Variants in PARK7 observed in about 807,000 individuals in gnomAD.
PARK7 encodes Parkinsonism associated deglycase.
In PARK7, 14 loss-of-function variants were observed where a neutral mutation model predicts 20.5. The ratio of observed to expected loss-of-function variants is 0.68; its 90% CI spans 0.45 to 1.07. The LOEUF (loss-of-function observed/expected upper bound fraction) is 1.07. Ranked by LOEUF, PARK7 falls within the 50% of genes least tolerant of loss-of-function variation. The pLI is 0.00. For missense variants in PARK7, 234 were observed against 238.1 expected (o/e 0.98, Z 0.11); for synonymous variants, 98 against 84.3 (o/e 1.16, Z -0.89).
chr1:7,985,040 G>T lies in PARK7; in HGVS notation c.556G>T (p.Val186Phe), dbSNP rs1640791591. Residue 186 changes from valine to phenylalanine, a missense_variant, in exon 7 of 7, where the codon GTT becomes TTT. Transcript: ENST00000338639. Reference sequence around the variant, plus strand: ...GGCGGCTCAAGTGAAGGCTCCACTTGTTCTTAAAGACTAGAGCAGCGAACT... The same window carrying T: ...GGCGGCTCAAGTGAAGGCTCCACTTTTTCTTAAAGACTAGAGCAGCGAACT... ...EVAAQVKAPL[V>F]LKD 1 of 1,614,070 alleles carries T rather than the reference G, an allele frequency of 6.2e-7. No individual in the cohort carries two copies. The highest frequency in any genetic ancestry group is 1.1e-5 in the South Asian group (1 of 91,090).
At chr1:7,971,898 A>G (rs375175732) in intron 5 of PARK7, 3 of 152,240 alleles carry the variant, frequency 2.0e-5, no homozygotes, top group East Asian at 3.9e-4. Context: ...GTGCCGTTGC[A>G]CTCCAGCCTG....
At chr1:7,982,103 T>C (rs931746882) in intron 6 of PARK7, among the ~76,000 whole-genome samples, 3 of 148,824 alleles carry the variant, frequency 2.0e-5, no homozygotes, top group African/African-American at 7.4e-5. Context: ...GCCTCCTGAA[T>C]AGCTGGGATT....
chr1:7,979,304 C>T (rs1444348699), intron 6 of PARK7, among the ~76,000 whole-genome samples: 1 of 152,162 alleles, frequency 6.6e-6, no homozygotes, highest in South Asian at 2.1e-4. Flanking sequence ...GACCCACTCG[C>T]CACTCCCCAG....
intron 5 of PARK7, among the ~76,000 whole-genome samples, chr1:7,975,221 C>T (rs1640553333): frequency 6.6e-6 from 1 of 152,030 alleles, no homozygotes; most frequent in South Asian, 2.1e-4. Flanking sequence ...TTAGCCTAGT[C>T]CTTAATATTG....
intron 5 of PARK7, among the ~76,000 whole-genome samples, chr1:7,975,479 C>G (rs1324220757): frequency 1.3e-5 from 2 of 152,170 alleles, no homozygotes; most frequent in Non-Finnish European, 2.9e-5. Context: ...CAGAAGGGGA[C>G]ATGGTCAGCT....
chr1:7,982,085 C>T (rs1424566203), intron 6 of PARK7, among the ~76,000 whole-genome samples: 1 of 149,140 alleles, frequency 6.7e-6, no homozygotes, highest in Non-Finnish European at 1.5e-5. Flanking sequence ...AGTGATTCTC[C>T]TGTCTCAGCC....
intron 5 of PARK7, among the ~76,000 whole-genome samples, chr1:7,974,149 T>G (rs1432588787): frequency 8.9e-6 from 1 of 112,272 alleles, no homozygotes; most frequent in African/African-American, 2.9e-5. Context: ...CCCACCGACC[T>G]CTACAAAAAA....
rs1186288740 is a variant in PARK7, at chr1:7,984,354, C to G, written c.410-540C>G. 6.6e-6 allele frequency among the ~76,000 whole-genome samples: 1 copy of G among 152,160 alleles called. No individual in the cohort carries two copies. Among genetic ancestry groups the G allele is most frequent in the Non-Finnish European group, 1.5e-5 (1 of 68,026 alleles). ...GCCAAGAAATAGCCAACCGGCGGGC[C>G]TGGAGGTGCGGGGATGCGGAAGGAA... On this transcript the variant is annotated intron_variant, in intron 6 of 6. Transcript: ENST00000338639. The surrounding 1 kb of genome is among the most constrained non-coding windows in gnomAD (Gnocchi z 4.3).
intron 5 of PARK7, 64 bp downstream of exon 5, chr1:7,971,027 G>A: frequency 1.3e-6 from 2 of 1,538,604 alleles, no homozygotes; most frequent in East Asian, 4.5e-5. Context: ...TTCATTCGAT[G>A]GTTTGATTCC....
chr1:7,967,327 C>T (rs56833382), intron 3 of PARK7, among the ~76,000 whole-genome samples: 7,151 of 152,042 alleles, frequency 0.047, 581 homozygotes, highest in African/African-American at 0.16. Context: ...GTTGTTGGAC[C>T]TAGGTTGATT....
At chr1:7,970,452 A>C (rs1640441639) in intron 4 of PARK7, among the ~76,000 whole-genome samples, 1 of 152,144 alleles carries the variant, frequency 6.6e-6, no homozygotes, top group African/African-American at 2.4e-5. Flanking sequence ...GTCGTATGTG[A>C]GGAGTCAGAG....
At chr1:7,983,668 A>G (rs1210269161) in intron 6 of PARK7, among the ~76,000 whole-genome samples, 1 of 152,240 alleles carries the variant, frequency 6.6e-6, no homozygotes, top group African/African-American at 2.4e-5. Context: ...GGAACTGGCT[A>G]TGCCCTGCTT....
In PARK7 at chr1:7,978,187, G is replaced by T. The variant is rs562637389; in HGVS notation, c.409+449G>T. 1.7e-3 allele frequency among the ~76,000 whole-genome samples: 260 copies of T among 151,032 alleles called. 1 individual carries two copies. The highest frequency in any genetic ancestry group is 5.9e-3 in the African/African-American group (242 of 41,182). Reference sequence around the variant, plus strand: ...AATTTTTGTATTTTTTAGTAGAGATGGGGTTTCTCCATGTTGGTCATGCTG... The same window carrying T: ...AATTTTTGTATTTTTTAGTAGAGATTGGGTTTCTCCATGTTGGTCATGCTG... On this transcript the variant is annotated intron_variant, in intron 6 of 6. Transcript: ENST00000338639.
chr1:7,981,982 T>C (rs1640721138), intron 6 of PARK7, among the ~76,000 whole-genome samples: 1 of 132,328 alleles, frequency 7.6e-6, no homozygotes, highest in Non-Finnish European at 1.6e-5. Flanking sequence ...TTTTTTTTTT[T>C]TTTTTTTTTT....
At chr1:7,968,866 A>G (rs1231373738) in intron 3 of PARK7, among the ~76,000 whole-genome samples, 3 of 152,196 alleles carry the variant, frequency 2.0e-5, no homozygotes, top group South Asian at 2.1e-4. Flanking sequence ...TTGTTGAACA[A>G]TAATTCAAAC....
At chr1:7,979,297 C>G (rs1640661563) in intron 6 of PARK7, among the ~76,000 whole-genome samples, 1 of 152,044 alleles carries the variant, frequency 6.6e-6, no homozygotes, top group Admixed American at 6.6e-5. Flanking sequence ...CTACCTTGAC[C>G]CACTCGCCAC....
rs538167621 is a variant in PARK7, at chr1:7,965,681, G to C, written c.192+256G>C. 1.7e-3 allele frequency among the ~76,000 whole-genome samples: 257 copies of C among 152,252 alleles called. 1 individual carries two copies. The highest frequency in any genetic ancestry group is 3.1e-3 in the Non-Finnish European group (213 of 68,024). The stretch of plus-strand genomic sequence containing the variant: ...CGGTTGGATGTGTGGCCAGATGGGT[G>C]GGTTGGTGCTTAGATGGATGGCTGC... On this transcript the variant is annotated intron_variant, in intron 3 of 6. Transcript: ENST00000338639.
rs1213081557 is a variant in PARK7, at chr1:7,970,977, G to T, written c.322+14G>T. 3.7e-6 allele frequency: 6 copies of T among 1,614,068 alleles called. No individual in the cohort carries two copies. The South Asian group carries it at 4.4e-5, about 12-fold the overall frequency. On this transcript the variant is annotated intron_variant, in intron 5 of 6. Coordinates refer to ENST00000338639, the MANE Select transcript of PARK7 (RefSeq NM_007262.5). ...CCATCTGTGCAGGTGACGTGCAGGG[G>T]CAGCCTGTGTTGCAGCGTCATTGGT...
chr1:7,971,015 C>G lies in PARK7; in HGVS notation c.322+52C>G, dbSNP rs768475796. On this transcript the variant is annotated intron_variant, in intron 5 of 6. Coordinates refer to ENST00000338639, the MANE Select transcript of PARK7 (RefSeq NM_007262.5). The stretch of plus-strand genomic sequence containing the variant: ...CAGCGTCATTGGTGGGTGGGGTAGC[C>G]TTTCATTCGATGGTTTGATTCCAAA... 5.7e-6 allele frequency: 9 copies of G among 1,579,126 alleles called. No homozygotes were observed. In the East Asian group the frequency reaches 2.0e-4, roughly 35 times the overall value.
Sources: gnomAD v4.1 joint callset for allele counts (sites outside exome capture counted in the v4.1 genomes callset) on GRCh38, gnomAD v4.1.1 for gene constraint, Gnocchi (gnomAD v3.1) non-coding constraint, MANE v1.5 for transcripts, NCBI Gene and HGNC (gene_info 2026-07-23, HGNC 2026-07-21) for gene names.